Variants in BICD1 observed in about 807,000 individuals in gnomAD.
The protein encoded by BICD1 is BICD cargo adaptor 1.
BICD1 carries 35 observed loss-of-function variants against 92.5 expected under a neutral mutation model. The observed-to-expected ratio is 0.38, with a 90% CI of 0.29 to 0.50. The LOEUF is 0.50. BICD1 is among the 20% of genes least tolerant of loss of function. BICD1 has a pLI of 0.93. For missense variants in BICD1, 950 were observed against 1,189.8 expected (o/e 0.80, Z 2.97); for synonymous variants, 429 against 465.1 (o/e 0.92, Z 1.00).
intron 1 of BICD1, among the ~76,000 whole-genome samples, chr12:32,156,296 A>G (rs1943435796): frequency 6.6e-6 from 1 of 152,212 alleles, no homozygotes; most frequent in East Asian, 1.9e-4. Context: ...TGGTGGGACA[A>G]ACATACCTCT....
chr12:32,352,314 C>T (rs535074952), intron 8 of BICD1: 30 of 152,024 alleles, frequency 2.0e-4, no homozygotes, highest in Non-Finnish European at 3.4e-4. Context: ...GGGTGGATCA[C>T]GAGGTCAAGA....
chr12:32,269,293 T>G (rs1048436948), intron 2 of BICD1, among the ~76,000 whole-genome samples: 1 of 152,218 alleles, frequency 6.6e-6, no homozygotes, highest in African/African-American at 2.4e-5. Context: ...AAATAAATGT[T>G]TCAGTGATTT....
At chr12:32,371,302 T>G (rs957593344) in intron 9 of BICD1, among the ~76,000 whole-genome samples, 4 of 152,218 alleles carry the variant, frequency 2.6e-5, no homozygotes, top group Non-Finnish European at 5.9e-5. Flanking sequence ...CATATAGATC[T>G]GAAAAGACTC....
chr12:32,242,095 G>T (rs1450067427), intron 2 of BICD1, among the ~76,000 whole-genome samples: 1 of 151,250 alleles, frequency 6.6e-6, no homozygotes, highest in Non-Finnish European at 1.5e-5. Context: ...TGCACCTTTA[G>T]TCTCAGCTAC....
Position 32,256,006 on chromosome 12 carries a change from G to A in BICD1, c.427-37988G>A, listed in dbSNP as rs149649818. ...AGCAGATATTGAACACTTACTATTT[G>A]CAAGGCATTATGCTAAGTCTTTGCC... is the stretch of plus-strand genomic sequence containing the variant. On this transcript the variant is annotated intron_variant, in intron 2 of 9. Coordinates refer to ENST00000652176, the MANE Select transcript of BICD1 (RefSeq NM_001714.4). Among the ~76,000 whole-genome samples, 1,431 of 152,040 alleles carry A rather than the reference G, an allele frequency of 9.4e-3. 13 individuals carry two copies. Among genetic ancestry groups the A allele is most frequent in the African/African-American group, 0.023 (933 of 41,462 alleles).
chr12:32,286,530 A>G (rs181773446), intron 2 of BICD1, among the ~76,000 whole-genome samples: 3 of 152,332 alleles, frequency 2.0e-5, no homozygotes, highest in African/African-American at 7.2e-5. Flanking sequence ...TCATTCTACA[A>G]TTATTCCACA....
chr12:32,281,747 C>G (rs1947416278), intron 2 of BICD1, among the ~76,000 whole-genome samples: 3 of 151,674 alleles, frequency 2.0e-5, no homozygotes, highest in Admixed American at 2.0e-4. Context: ...ATGTCTGTAC[C>G]CTCCTTCTTT....
At chr12:32,362,291 C>A (rs1044702242) in intron 8 of BICD1, among the ~76,000 whole-genome samples, 4 of 152,072 alleles carry the variant, frequency 2.6e-5, no homozygotes, top group African/African-American at 9.7e-5. Context: ...ACCCGCGAGG[C>A]GGAGGTTGCA....
intron 1 of BICD1, among the ~76,000 whole-genome samples, chr12:32,111,997 A>ATCCCTTTTTT (rs1941712595): frequency 7.6e-6 from 1 of 132,018 alleles, no homozygotes; most frequent in African/African-American, 2.9e-5. Flanking sequence ...AACTTGCACT[A>ATCCCTTTTTT]TCCCTTTTTT....
intron 1 of BICD1, chr12:32,108,316 C>T (rs758689727): frequency 2.5e-5 from 5 of 202,182 alleles, no homozygotes; most frequent in Admixed American, 5.3e-5. Context: ...ACCAGAATAT[C>T]AAAAATGGGT....
intron 2 of BICD1, among the ~76,000 whole-genome samples, chr12:32,278,031 G>A (rs1054858366): frequency 1.3e-5 from 2 of 152,034 alleles, no homozygotes; most frequent in Non-Finnish European, 2.9e-5. Context: ...TTATATTGTC[G>A]CTGCTGCTTA....
chr12:32,340,187 T>C, intron 8 of BICD1: 3 of 985,398 alleles, frequency 3.0e-6, no homozygotes, highest in Non-Finnish European at 3.6e-6. Flanking sequence ...AGCCTACTGA[T>C]TGGGATTAAA....
At chr12:32,265,097 TG>T (rs1946954820) in intron 2 of BICD1, among the ~76,000 whole-genome samples, 1 of 151,908 alleles carries the variant, frequency 6.6e-6, no homozygotes, top group African/African-American at 2.4e-5. Flanking sequence ...ACGAGGCCTC[TG>T]GGGTCTCTGG....
intron 2 of BICD1, among the ~76,000 whole-genome samples, chr12:32,259,977 T>G (rs1946815289): frequency 6.6e-6 from 1 of 151,446 alleles, no homozygotes; most frequent in Non-Finnish European, 1.5e-5. Context: ...CAGGCTGGAA[T>G]GCAGTGGCTT....
intron 2 of BICD1, among the ~76,000 whole-genome samples, chr12:32,264,676 TG>T (rs538298186): frequency 6.6e-6 from 1 of 152,048 alleles, no homozygotes; most frequent in Non-Finnish European, 1.5e-5. Flanking sequence ...TTAGTAGAGA[TG>T]GGGTTTCACC....
intron 2 of BICD1, among the ~76,000 whole-genome samples, chr12:32,265,524 CAT>C (rs2136134894): frequency 1.5e-5 from 2 of 136,490 alleles, no homozygotes; most frequent in South Asian, 4.9e-4. Context: ...GCCTGGGAAA[CAT>C]AGTGAGACCC....
chr12:32,374,910 C>CTTTTTTTTTTTTTTTTTT (rs1185628924), intron 9 of BICD1, among the ~76,000 whole-genome samples: 1 of 49,604 alleles, frequency 2.0e-5, no homozygotes, highest in Non-Finnish European at 3.4e-5. Context: ...ATTTATTTTC[C>CTTTTTTTTTTTTTTTTTT]TTTTTTTTTT....
intron 8 of BICD1, among the ~76,000 whole-genome samples, chr12:32,346,592 A>ATATATACGTG: frequency 6.8e-5 from 1 of 14,734 alleles, no homozygotes; most frequent in South Asian, 5.5e-3. Context: ...ACGTGTATAT[A>ATATATACGTG]TATATATATA....
At chr12:32,366,802 T>C (rs548943324) in intron 8 of BICD1, among the ~76,000 whole-genome samples, 2 of 152,234 alleles carry the variant, frequency 1.3e-5, no homozygotes, top group African/African-American at 2.4e-5. Flanking sequence ...TGGAGAAATA[T>C]GACGTATATG....
Sources: gnomAD v4.1 joint callset for allele counts (sites outside exome capture counted in the v4.1 genomes callset) on GRCh38, gnomAD v4.1.1 for gene constraint, MANE v1.5 for transcripts, NCBI Gene and HGNC (gene_info 2026-07-23, HGNC 2026-07-21) for gene names.